The following STARD13 variants were observed in gnomAD, a reference collection of about 807,000 sequenced individuals.
The protein encoded by STARD13 is StAR related lipid transfer domain containing 13.
Under a neutral mutation model 106.4 loss-of-function variants are expected in STARD13, and 62 were observed. The ratio of observed to expected loss-of-function variants is 0.58; its 90% CI spans 0.48 to 0.72. The LOEUF (loss-of-function observed/expected upper bound fraction) is 0.72, where lower values mean the gene tolerates loss of function less well. Ranked by LOEUF, STARD13 falls within the 30% of genes least tolerant of loss-of-function variation. The pLI is 0.00. For missense variants in STARD13, 1,387 were observed against 1,424.0 expected (o/e 0.97, Z 0.42); for synonymous variants, 565 against 553.0 (o/e 1.02, Z -0.31).
intron 1 of STARD13, among the ~76,000 whole-genome samples, chr13:33,174,565 G>A (rs1336421408): frequency 6.6e-6 from 1 of 152,126 alleles, no homozygotes; most frequent in East Asian, 1.9e-4. Context: ...TATTCCTTCA[G>A]CCTAGGTATT....
At chr13:33,323,658 A>T (rs2138536425) in intron 1 of STARD13, among the ~76,000 whole-genome samples, 1 of 152,174 alleles carries the variant, frequency 6.6e-6, no homozygotes, top group Admixed American at 6.5e-5. Flanking sequence ...CTGCTTTCCC[A>T]TTTTTCTATA....
intron 1 of STARD13, among the ~76,000 whole-genome samples, chr13:33,241,590 A>G (rs987389230): frequency 8.0e-6 from 1 of 125,670 alleles, no homozygotes; most frequent in African/African-American, 3.1e-5. Context: ...TCTGATGCCG[A>G]GCCGAGGCTG....
the STARD13 span, among the ~76,000 whole-genome samples, chr13:33,395,960 G>T: frequency 6.6e-6 from 1 of 152,182 alleles, no homozygotes; most frequent in East Asian, 1.9e-4. Context: ...TCCTGCCTCA[G>T]CCTCCTGAGT....
At chr13:33,128,826 C>G (rs1379679829) in intron 5 of STARD13, 103 bp downstream of exon 5, 8 of 1,184,662 alleles carry the variant, frequency 6.8e-6, no homozygotes, top group Non-Finnish European at 9.6e-6. Context: ...AGAACAGAGT[C>G]AGGCATTTAG....
At chr13:33,612,996 A>G in the STARD13 span, among the ~76,000 whole-genome samples, 2 of 152,172 alleles carry the variant, frequency 1.3e-5, no homozygotes, top group Non-Finnish European at 2.9e-5. Context: ...TCAAAGTTCA[A>G]ATTGTGGTAT....
intron 2 of STARD13, among the ~76,000 whole-genome samples, chr13:33,166,379 G>C (rs1883314660): frequency 6.6e-6 from 1 of 152,046 alleles, no homozygotes; most frequent in African/African-American, 2.4e-5. Context: ...CTGGTTTGAG[G>C]CTCCTCTCTC....
intron 1 of STARD13, among the ~76,000 whole-genome samples, chr13:33,249,765 C>T (rs1054135520): frequency 6.6e-6 from 1 of 152,078 alleles, no homozygotes; most frequent in Non-Finnish European, 1.5e-5. Flanking sequence ...TGCCATCATA[C>T]ACCAATTATC....
intron 1 of STARD13, among the ~76,000 whole-genome samples, chr13:33,231,042 C>A (rs543312533): frequency 1.7e-4 from 26 of 152,282 alleles, no homozygotes; most frequent in African/African-American, 6.3e-4. Flanking sequence ...TTAAGTTGGG[C>A]TATATATAGG....
the STARD13 span, among the ~76,000 whole-genome samples, chr13:33,673,855 T>C: frequency 3.3e-5 from 5 of 151,000 alleles, no homozygotes; most frequent in Non-Finnish European, 7.4e-5. Flanking sequence ...TTAACTCTTT[T>C]ACTCTTTTTT....
the STARD13 span, among the ~76,000 whole-genome samples, chr13:33,499,523 T>TTTCTTCTTCC: frequency 2.0e-5 from 1 of 50,404 alleles, no homozygotes; most frequent in African/African-American, 8.0e-5. Context: ...TCTTTCTTTC[T>TTTCTTCTTCC]TCTTCTTCTT....
At chr13:33,663,823 C>T in the STARD13 span, among the ~76,000 whole-genome samples, 1 of 152,158 alleles carries the variant, frequency 6.6e-6, no homozygotes, top group Non-Finnish European at 1.5e-5. Context: ...AGAGCTTCTC[C>T]AACAGGAAAA....
chr13:33,181,312 A>T (rs1262168575), intron 1 of STARD13, among the ~76,000 whole-genome samples: 1 of 151,882 alleles, frequency 6.6e-6, no homozygotes, highest in African/African-American at 2.4e-5. Flanking sequence ...ATGCACATGG[A>T]TTCTGTAAAT....
chr13:33,447,885 C>A, the STARD13 span, among the ~76,000 whole-genome samples: 1 of 151,928 alleles, frequency 6.6e-6, no homozygotes, highest in African/African-American at 2.4e-5. Flanking sequence ...CATTAGAAAG[C>A]AATTAAATGC....
At chr13:33,534,903 T>C in the STARD13 span, among the ~76,000 whole-genome samples, 4 of 152,216 alleles carry the variant, frequency 2.6e-5, no homozygotes, top group South Asian at 6.2e-4. Flanking sequence ...GAAGATGTTA[T>C]GTCCAAATTC....
the STARD13 span, among the ~76,000 whole-genome samples, chr13:33,427,823 T>C: frequency 6.6e-6 from 1 of 151,922 alleles, no homozygotes; most frequent in African/African-American, 2.4e-5. Flanking sequence ...GGCGTGGTGA[T>C]GCATGCCTGT....
At chr13:33,231,666 T>C (rs76506827) in intron 1 of STARD13, among the ~76,000 whole-genome samples, 6,982 of 152,200 alleles carry the variant, frequency 0.046, 240 homozygotes, top group Non-Finnish European at 0.055. Context: ...GAAAACTAAC[T>C]GTTAAAGAAT....
the STARD13 span, among the ~76,000 whole-genome samples, chr13:33,393,392 G>C: frequency 6.6e-6 from 1 of 152,186 alleles, no homozygotes; most frequent in Non-Finnish European, 1.5e-5. Flanking sequence ...CAAAAGCAAT[G>C]TCAGCATGGT....
the STARD13 span, among the ~76,000 whole-genome samples, chr13:33,622,614 CAA>C: frequency 0.01 from 286 of 28,154 alleles, no homozygotes; most frequent in African/African-American, 0.027. Flanking sequence ...GACTCCGTCT[CAA>C]AAAAAAAAAA....
chr13:33,413,794 G>A, the STARD13 span, among the ~76,000 whole-genome samples: 2,803 of 152,202 alleles, frequency 0.018, 78 homozygotes, highest in East Asian at 0.082. Context: ...CACTTTGGGA[G>A]GTCGAGGCAG....
Sources: allele counts gnomAD v4.1 joint callset (sites outside exome capture counted in the v4.1 genomes callset), GRCh38; gene constraint gnomAD v4.1.1; transcripts MANE v1.5; gene names NCBI Gene and HGNC (gene_info 2026-07-23, HGNC 2026-07-21).